VOPP1: variants seen among roughly 807,000 people sequenced by gnomAD.
The protein encoded by VOPP1 is WW domain binding protein VOPP1.
A neutral mutation model predicts 23.5 loss-of-function variants in VOPP1; 8 were observed. The observed-to-expected ratio is 0.34, with a 90% CI of 0.20 to 0.61. VOPP1 has a LOEUF of 0.61. Among genes scored for constraint, VOPP1 ranks in the 20% least tolerant of loss-of-function variants. VOPP1 has a pLI of 0.78. For synonymous variants in VOPP1, 83 were observed against 97.3 expected (o/e 0.85, Z 0.86); for missense variants, 174 against 238.1 (o/e 0.73, Z 1.77).
intron 1 of VOPP1, among the ~76,000 whole-genome samples, chr7:55,528,008 A>G (rs1231293694): frequency 6.6e-6 from 1 of 152,210 alleles, no homozygotes; most frequent in Non-Finnish European, 1.5e-5. Context: ...TTTTCAATAT[A>G]TATCAAAAAT....
At chr7:55,461,248 G>C (rs1791493628) in intron 4 of VOPP1, among the ~76,000 whole-genome samples, 2 of 152,108 alleles carry the variant, frequency 1.3e-5, no homozygotes, top group African/African-American at 4.8e-5. Context: ...AGGGTGGGAA[G>C]GGGGTGAGGG....
At chr7:55,528,567 C>T (rs1423552371) in intron 1 of VOPP1, among the ~76,000 whole-genome samples, 1 of 152,102 alleles carries the variant, frequency 6.6e-6, no homozygotes, top group African/African-American at 2.4e-5. Context: ...TGCCTGTAAT[C>T]CCAGCTACTC....
At chr7:55,437,523 CTTT>C (rs1329091666) in intron 4 of VOPP1, among the ~76,000 whole-genome samples, 1 of 152,164 alleles carries the variant, frequency 6.6e-6, no homozygotes, top group East Asian at 1.9e-4. Flanking sequence ...TTTGATCTTG[CTTT>C]GTATGATTGT....
chr7:55,495,048 C>G (rs1208163842), intron 3 of VOPP1, among the ~76,000 whole-genome samples: 1 of 152,030 alleles, frequency 6.6e-6, no homozygotes, highest in African/African-American at 2.4e-5. Flanking sequence ...ATTCCTCCCC[C>G]CGACCCCCCA....
intron 2 of VOPP1, among the ~76,000 whole-genome samples, chr7:55,512,661 G>C (rs1795153327): frequency 6.6e-6 from 1 of 152,224 alleles, no homozygotes; most frequent in Non-Finnish European, 1.5e-5. Context: ...CGGCAAAATA[G>C]TGAGGGTCTG....
intron 4 of VOPP1, among the ~76,000 whole-genome samples, chr7:55,436,485 A>C (rs776068008): frequency 1.3e-5 from 2 of 152,142 alleles, no homozygotes; most frequent in African/African-American, 4.8e-5. Flanking sequence ...GGAAGCACTC[A>C]CCTGCCTGCA....
chr7:55,494,094 T>C (rs188324058), intron 3 of VOPP1, among the ~76,000 whole-genome samples: 71 of 152,210 alleles, frequency 4.7e-4, no homozygotes, highest in Admixed American at 1.6e-3. Flanking sequence ...TCAGTCCCCA[T>C]GATGGGCGGA....
At chr7:55,467,289 C>T (rs535080000), downstream of VOPP1, among the ~76,000 whole-genome samples, 23 of 152,242 alleles carry the variant, frequency 1.5e-4, no homozygotes, top group Non-Finnish European at 2.9e-4. Flanking sequence ...ATTCCTGCAG[C>T]CAGCTGCTCT....
intron 1 of VOPP1, among the ~76,000 whole-genome samples, chr7:55,533,678 AG>A (rs1796618677): frequency 6.6e-6 from 1 of 152,164 alleles, no homozygotes; most frequent in Non-Finnish European, 1.5e-5. Flanking sequence ...TACCCACCAA[AG>A]GAAAGTCCCC....
intron 1 of VOPP1, among the ~76,000 whole-genome samples, chr7:55,522,682 G>T (rs1344617872): frequency 6.6e-6 from 1 of 152,136 alleles, no homozygotes; most frequent in Non-Finnish European, 1.5e-5. Flanking sequence ...GGGAACATCA[G>T]AACACAAGCC....
rs77709219 is a variant in VOPP1, at chr7:55,563,085, T to A, written c.54+9186A>T. Among the ~76,000 whole-genome samples, 509 of 152,360 alleles carry A rather than the reference T, an allele frequency of 3.3e-3. 3 individuals carry two copies. Among genetic ancestry groups the A allele is most frequent in the African/African-American group, 0.011 (467 of 41,574 alleles). On this transcript the variant is annotated intron_variant, in intron 1 of 4. Coordinates refer to ENST00000285279, the MANE Select transcript of VOPP1 (RefSeq NM_030796.5). ...TTAATAATATTCAATTGGTAATACA[T>A]GTATAGTGTCAATCAAATGTGCAAT...
intron 2 of VOPP1, among the ~76,000 whole-genome samples, chr7:55,516,922 ATATATATATATTTTTTTTTTTTTTT>A (rs1225510892): frequency 0.016 from 655 of 40,804 alleles, 8 homozygotes; most frequent in African/African-American, 0.059. Context: ...ATATATATAT[ATATATATATATTTTTTTTTTTTTTT>A]TTTTTTTTTT....
chr7:55,505,668 AGGGAGGGAGGGAGGGAGGGAG>A, intron 2 of VOPP1, among the ~76,000 whole-genome samples: 1 of 4,014 alleles, frequency 2.5e-4, no homozygotes, highest in South Asian at 0.014. Flanking sequence ...GGAGGGAGGG[AGGGAGGGAGGGAGGGAGGGAG>A]GGAGGGAGGG....
At chr7:55,569,566 TAA>T (rs1458310171) in intron 1 of VOPP1, among the ~76,000 whole-genome samples, 1 of 152,166 alleles carries the variant, frequency 6.6e-6, no homozygotes, top group Non-Finnish European at 1.5e-5. Context: ...ACAGCAGTGT[TAA>T]GTGTTCACTT....
chr7:55,494,396 T>C (rs1314535234), intron 3 of VOPP1, among the ~76,000 whole-genome samples: 2 of 152,116 alleles, frequency 1.3e-5, no homozygotes, highest in East Asian at 1.9e-4. Flanking sequence ...GATTGAAAAA[T>C]GCAGAAGGCA....
chr7:55,537,174 CACTG>C (rs1428306394), intron 1 of VOPP1, among the ~76,000 whole-genome samples: 1 of 152,178 alleles, frequency 6.6e-6, no homozygotes, highest in Non-Finnish European at 1.5e-5. Flanking sequence ...GTCCCGGCAG[CACTG>C]ACCCTGCCCT....
chr7:55,564,715 T>C (rs1358409624), intron 1 of VOPP1, among the ~76,000 whole-genome samples: 2 of 152,140 alleles, frequency 1.3e-5, no homozygotes, highest in Non-Finnish European at 2.9e-5. Flanking sequence ...ACAGGAAACT[T>C]GCTTGGGAAT....
At chr7:55,454,995 T>C (rs1371555750) in intron 4 of VOPP1, among the ~76,000 whole-genome samples, 5 of 152,042 alleles carry the variant, frequency 3.3e-5, no homozygotes, top group South Asian at 2.1e-4. Flanking sequence ...GCGTATTCAA[T>C]TAGGAAAAGA....
At chr7:55,446,273 G>A (rs1026502362) in intron 4 of VOPP1, among the ~76,000 whole-genome samples, 18 of 152,286 alleles carry the variant, frequency 1.2e-4, no homozygotes, top group Middle Eastern at 3.4e-3. Flanking sequence ...GATTACAGGC[G>A]TGAGCCACCG....
Sources: gnomAD v4.1 joint callset for allele counts (sites outside exome capture counted in the v4.1 genomes callset) on GRCh38, gnomAD v4.1.1 for gene constraint, MANE v1.5 for transcripts, NCBI Gene and HGNC (gene_info 2026-07-23, HGNC 2026-07-21) for gene names.